Variants in EED observed in about 807,000 individuals in gnomAD.
EED encodes the protein polycomb protein EED.
EED carries 9 observed loss-of-function variants against 61.0 expected under a neutral mutation model. The observed-to-expected ratio is 0.15, with a 90% CI of 0.09 to 0.26. The LOEUF is 0.26. EED is among the 10% of genes least tolerant of loss of function. EED has a pLI of 1.00. For synonymous variants in EED, 187 were observed against 174.4 expected, an observed-to-expected ratio of 1.07 and a Z score of -0.57; for missense variants, 315 against 542.3, an observed-to-expected ratio of 0.58 and a Z score of 4.16.
At chr11:86,264,314 C>CAGTCTCCATGGAACTGTTTCCTTATA in intron 7 of EED, 51 bp downstream of exon 7, 1 of 1,333,878 alleles carries the variant, frequency 7.5e-7, no homozygotes, top group Non-Finnish European at 1.1e-6. Context: ...TAGCTGTGAA[C>CAGTCTCCATGGAACTGTTTCCTTATA]AGTCTCCATG....
At chr11:86,260,205 T>C (rs1192020801) in intron 6 of EED, among the ~76,000 whole-genome samples, 1 of 152,146 alleles carries the variant, frequency 6.6e-6, no homozygotes, top group African/African-American at 2.4e-5. Context: ...ACATGACGTG[T>C]CTTTGCTTTA....
At chr11:86,267,232 A>C (rs1171629648) in intron 8 of EED, among the ~76,000 whole-genome samples, 2 of 152,214 alleles carry the variant, frequency 1.3e-5, no homozygotes, top group African/African-American at 4.8e-5. Flanking sequence ...TAATTATAGC[A>C]GAGTTAAGAA....
At chr11:86,282,282 C>T (rs949854793), downstream of EED, among the ~76,000 whole-genome samples, 2 of 152,116 alleles carry the variant, frequency 1.3e-5, no homozygotes, top group Non-Finnish European at 2.9e-5. Flanking sequence ...TTTTTGTACA[C>T]AGAAATAATT....
In EED at chr11:86,266,078, T is replaced by A; in HGVS notation, c.727-5T>A. 6.3e-7 allele frequency: 1 copy of A among 1,579,192 alleles called. No homozygotes were observed. The highest frequency in any genetic ancestry group is 8.6e-7 in the Non-Finnish European group (1 of 1,166,692). On this transcript the variant is annotated splice_polypyrimidine_tract_variant and splice_region_variant and intron_variant, in intron 7 of 11. Transcript: ENST00000263360. ...TTATATAAAACTTTTTGGTTTTGCATACAGGATTATGATCTTTTGGGTGAA... is the reference window on the plus strand; with the variant it reads ...TTATATAAAACTTTTTGGTTTTGCAAACAGGATTATGATCTTTTGGGTGAA...
intron 8 of EED, chr11:86,267,766 A>ATTTTTTTTTTTTTTTT (rs36185703): frequency 1.2e-3 from 131 of 108,690 alleles, no homozygotes; most frequent in Middle Eastern, 4.7e-3. Flanking sequence ...TGCCTGGCTA[A>ATTTTTTTTTTTTTTTT]TTTTTTTTTT....
chr11:86,244,978 C>G lies in EED; in HGVS notation c.-252C>G, dbSNP rs933661150. 5 of 419,674 alleles carry G rather than the reference C, an allele frequency of 1.2e-5. No homozygotes were observed. The highest frequency in any genetic ancestry group is 1.1e-4 in the African/African-American group (5 of 47,300). The allele number at this position is 419,674 out of a possible 1,614,324, so 26.0% of individuals were successfully genotyped here. ...GGAGGGCGGCGGGAAAAGGGCAAGACGGGAGTTGGGGAAGGGAAGGAGCCA... is the reference window on the plus strand; with the variant it reads ...GGAGGGCGGCGGGAAAAGGGCAAGAGGGGAGTTGGGGAAGGGAAGGAGCCA... On this transcript the variant is annotated 5_prime_UTR_variant, in exon 1 of 12. Transcript: ENST00000263360.
the EED span, chr11:86,284,548 C>G: frequency 6.6e-6 from 1 of 152,190 alleles, no homozygotes; most frequent in Non-Finnish European, 1.5e-5. Flanking sequence ...CACTCAATGT[C>G]CATTCAGGCC....
intron 8 of EED, among the ~76,000 whole-genome samples, chr11:86,266,493 C>T (rs2138198186): frequency 6.6e-6 from 1 of 152,130 alleles, no homozygotes; most frequent in Middle Eastern, 3.4e-3. Flanking sequence ...TATGCTTGGC[C>T]TTTTAAGTTA....
chr11:86,257,481 A>G (rs546706742), intron 5 of EED, 34 bp from the exon 6 acceptor site: 3 of 1,535,710 alleles, frequency 2.0e-6, no homozygotes, highest in Admixed American at 2.0e-5. Flanking sequence ...TGATTTTGAG[A>G]TAGGAAACTT....
intron 3 of EED, among the ~76,000 whole-genome samples, chr11:86,254,048 CAAAAAAAAAAAAAAAAA>C (rs201298345): frequency 7.1e-5 from 4 of 56,334 alleles, no homozygotes; most frequent in African/African-American, 1.0e-4. Flanking sequence ...AACTCTGTCT[CAAAAAAAAAAAAAAAAA>C]AAAAAAAAAA....
intron 9 of EED, among the ~76,000 whole-genome samples, chr11:86,272,206 T>C (rs962976121): frequency 1.4e-5 from 2 of 147,874 alleles, no homozygotes; most frequent in Non-Finnish European, 3.0e-5. Context: ...TACAGGAGCC[T>C]GCCACCACAC....
chr11:86,250,509 G>T, intron 2 of EED, 61 bp downstream of exon 2: 1 of 1,434,524 alleles, frequency 7.0e-7, no homozygotes. Context: ...TTTCTCTGTG[G>T]CACGCATTTC....
intron 2 of EED, among the ~76,000 whole-genome samples, 189 bp from the exon 3 acceptor site, chr11:86,251,959 C>T (rs7116376): frequency 0.024 from 3,638 of 152,222 alleles, 153 homozygotes; most frequent in East Asian, 0.14. Context: ...CTTTATCATA[C>T]ACAATATTTT....
intron 9 of EED, among the ~76,000 whole-genome samples, chr11:86,269,851 G>C (rs970397294): frequency 6.6e-6 from 1 of 152,038 alleles, no homozygotes; most frequent in Non-Finnish European, 1.5e-5. Flanking sequence ...TTTTATTGCT[G>C]AGTAGTATTC....
At chr11:86,248,738 G>C (rs1427702822) in intron 1 of EED, among the ~76,000 whole-genome samples, 1 of 150,932 alleles carries the variant, frequency 6.6e-6, no homozygotes, top group Non-Finnish European at 1.5e-5. Context: ...AAGAGTTGTG[G>C]CTGGGCGCAG....
chr11:86,277,300 G>GAA, intron 10 of EED, 162 bp downstream of exon 10: 1 of 590,692 alleles, frequency 1.7e-6, no homozygotes, highest in Non-Finnish European at 2.6e-6. Context: ...ATACTTTGGT[G>GAA]TTATTCATTC....
At position 86,278,552 on chromosome 11, in the gene EED, G is replaced by A; in HGVS notation, c.*27G>A. 1 of 1,610,712 alleles carries A rather than the reference G, an allele frequency of 6.2e-7. No individual in the cohort carries two copies. The highest frequency in any genetic ancestry group is 8.5e-7 in the Non-Finnish European group (1 of 1,178,284). ...ATACTTTTGCCTAATCAAAATTAGA[G>A]TGTGTTTGTTGTCTGTGTAAAATAG... On this transcript the variant is annotated 3_prime_UTR_variant, in exon 12 of 12. Transcript: ENST00000263360.
At chr11:86,256,825 C>CT (rs1351965013) in intron 5 of EED, among the ~76,000 whole-genome samples, 2 of 152,138 alleles carry the variant, frequency 1.3e-5, no homozygotes, top group Non-Finnish European at 2.9e-5. Context: ...TCCAAGACAC[C>CT]TAAACTGGAG....
chr11:86,256,301 T>C lies in EED; in HGVS notation c.427-86T>C, dbSNP rs1337877558. The stretch of plus-strand genomic sequence containing the variant: ...TTGAGAACTTTGGTGTCAAAAACTT[T>C]AGCAGTTCTTTATAAGTTTCTATTA... On this transcript the variant is annotated intron_variant, in intron 4 of 11. Coordinates refer to ENST00000263360, the MANE Select transcript of EED (RefSeq NM_003797.5). The C allele has an allele frequency of 1.1e-5, 14 of 1,307,298 alleles. No homozygotes were observed. In the East Asian group the frequency reaches 1.5e-4, roughly 14 times the overall value. The allele number at this position is 1,307,298 out of a possible 1,614,324, so 81.0% of individuals were successfully genotyped here.
Sources: allele counts gnomAD v4.1 joint callset (sites outside exome capture counted in the v4.1 genomes callset), GRCh38; gene constraint gnomAD v4.1.1; transcripts MANE v1.5; gene names NCBI Gene and HGNC (gene_info 2026-07-23, HGNC 2026-07-21).